TAFA1: variants seen among roughly 807,000 people sequenced by gnomAD.
The protein encoded by TAFA1 is chemokine-like protein TAFA-1.
TAFA1 carries 4 observed loss-of-function variants against 18.5 expected under a neutral mutation model. The ratio of observed to expected loss-of-function variants is 0.22; its 90% CI spans 0.11 to 0.49. The LOEUF (loss-of-function observed/expected upper bound fraction) is 0.49, where lower values mean the gene tolerates loss of function less well. TAFA1 is among the 20% of genes least tolerant of loss of function. The pLI is 0.98. For synonymous variants in TAFA1, 56 were observed against 55.2 expected (o/e 1.01, Z -0.06); for missense variants, 147 against 169.0 (o/e 0.87, Z 0.72).
At chr3:68,507,911 G>A (rs1007492267) in intron 3 of TAFA1, among the ~76,000 whole-genome samples, 13 of 152,256 alleles carry the variant, frequency 8.5e-5, no homozygotes, top group Admixed American at 8.5e-4. Flanking sequence ...TTATTTAGAT[G>A]TCAGTTCTCC....
chr3:68,101,309 A>T (rs1444031683), intron 2 of TAFA1, among the ~76,000 whole-genome samples: 1 of 150,964 alleles, frequency 6.6e-6, no homozygotes, highest in Non-Finnish European at 1.5e-5. Context: ...TTAAAATTTT[A>T]TTATTATTAA....
intron 2 of TAFA1, among the ~76,000 whole-genome samples, chr3:68,324,389 T>C (rs2106713808): frequency 1.3e-5 from 2 of 152,312 alleles, no homozygotes; most frequent in Non-Finnish European, 2.9e-5. Flanking sequence ...GAAAATTCTA[T>C]GTCAGGACAG....
chr3:68,202,151 A>C (rs897919149), intron 2 of TAFA1, among the ~76,000 whole-genome samples: 25 of 151,788 alleles, frequency 1.6e-4, no homozygotes, highest in Non-Finnish European at 3.1e-4. Flanking sequence ...AGACAAAACA[A>C]ACCATATCCA....
At chr3:68,060,011 G>T (rs1178492829) in intron 2 of TAFA1, among the ~76,000 whole-genome samples, 3 of 151,782 alleles carry the variant, frequency 2.0e-5, no homozygotes, top group African/African-American at 7.3e-5. Flanking sequence ...GCTGAAGTGA[G>T]AATTTACTCC....
At chr3:68,036,793 C>T (rs1188920743) in intron 2 of TAFA1, among the ~76,000 whole-genome samples, 1 of 152,212 alleles carries the variant, frequency 6.6e-6, no homozygotes, top group Admixed American at 6.5e-5. Flanking sequence ...TTGAAGGCTA[C>T]TCTGTGGATC....
chr3:68,418,148 C>T (rs546326802), intron 3 of TAFA1, among the ~76,000 whole-genome samples: 5 of 152,142 alleles, frequency 3.3e-5, no homozygotes, highest in African/African-American at 7.2e-5. Flanking sequence ...TATTTTCATG[C>T]GCATCCGTGT....
chr3:68,544,203 G>T (rs2073421085), intron 4 of TAFA1, among the ~76,000 whole-genome samples: 1 of 152,074 alleles, frequency 6.6e-6, no homozygotes, highest in Non-Finnish European at 1.5e-5. Flanking sequence ...TAGGTCACAT[G>T]CCTAGGAAAC....
chr3:68,466,510 C>T (rs915948399), intron 3 of TAFA1, among the ~76,000 whole-genome samples: 4 of 152,060 alleles, frequency 2.6e-5, no homozygotes, highest in South Asian at 2.1e-4. Context: ...AGAAGGTTAA[C>T]GACCTGCCAA....
intron 2 of TAFA1, among the ~76,000 whole-genome samples, chr3:68,008,959 T>C (rs952132043): frequency 6.6e-6 from 1 of 152,152 alleles, no homozygotes; most frequent in African/African-American, 2.4e-5. Context: ...ATAATAAAAA[T>C]AACTTCGAAT....
At chr3:68,419,244 A>G (rs2070909594) in intron 3 of TAFA1, among the ~76,000 whole-genome samples, 1 of 152,200 alleles carries the variant, frequency 6.6e-6, no homozygotes, top group South Asian at 2.1e-4. Flanking sequence ...TTGTGGTGGT[A>G]GACCGCAAGG....
chr3:68,242,047 C>G (rs2067006902), intron 2 of TAFA1, among the ~76,000 whole-genome samples: 1 of 152,040 alleles, frequency 6.6e-6, no homozygotes, highest in African/African-American at 2.4e-5. Flanking sequence ...AACACCTTGC[C>G]CTGCCTAAGT....
At chr3:68,162,411 A>G (rs2065935449) in intron 2 of TAFA1, among the ~76,000 whole-genome samples, 3 of 152,118 alleles carry the variant, frequency 2.0e-5, no homozygotes. Flanking sequence ...TCAGGCTCCT[A>G]TAAGAATGTA....
intron 2 of TAFA1, among the ~76,000 whole-genome samples, chr3:68,355,039 AT>A (rs2069336028): frequency 6.6e-6 from 1 of 151,952 alleles, no homozygotes; most frequent in South Asian, 2.1e-4. Flanking sequence ...CCCTGTGGAA[AT>A]TTTGGTGTGA....
intron 2 of TAFA1, among the ~76,000 whole-genome samples, chr3:68,361,628 TA>T (rs1013664078): frequency 2.1e-5 from 3 of 139,986 alleles, no homozygotes; most frequent in African/African-American, 5.3e-5. Context: ...TTTGTATCAC[TA>T]AAAAAATTAA....
intron 2 of TAFA1, among the ~76,000 whole-genome samples, chr3:68,253,605 C>A (rs1247169631): frequency 6.6e-6 from 1 of 152,164 alleles, no homozygotes; most frequent in Non-Finnish European, 1.5e-5. Context: ...GACTGAAGAA[C>A]CCTAATGGTG....
At chr3:68,398,832 T>G (rs1325734451) in intron 2 of TAFA1, among the ~76,000 whole-genome samples, 3 of 152,228 alleles carry the variant, frequency 2.0e-5, no homozygotes, top group African/African-American at 7.2e-5. Flanking sequence ...GAATGTTCAT[T>G]TTCTTGCAGA....
intron 3 of TAFA1, among the ~76,000 whole-genome samples, chr3:68,518,748 A>T (rs1224675843): frequency 1.3e-5 from 2 of 152,184 alleles, no homozygotes; most frequent in Non-Finnish European, 2.9e-5. Context: ...AGGTCCCATG[A>T]CCACATGGTT....
At chr3:68,232,417 A>G (rs1280261161) in intron 2 of TAFA1, among the ~76,000 whole-genome samples, 1 of 152,190 alleles carries the variant, frequency 6.6e-6, no homozygotes, top group South Asian at 2.1e-4. Flanking sequence ...TCTGAATGGT[A>G]TTCCATTGTG....
At chr3:68,109,998 G>C (rs975876010) in intron 2 of TAFA1, among the ~76,000 whole-genome samples, 12 of 151,754 alleles carry the variant, frequency 7.9e-5, no homozygotes, top group African/African-American at 2.7e-4. Flanking sequence ...TTAAGTTCTG[G>C]GATACATGTG....
Sources: gnomAD v4.1 joint callset for allele counts (sites outside exome capture counted in the v4.1 genomes callset) on GRCh38, gnomAD v4.1.1 for gene constraint, MANE v1.5 for transcripts, NCBI Gene and HGNC (gene_info 2026-07-23, HGNC 2026-07-21) for gene names.